The following DNAJC7 variants were observed in gnomAD, a reference collection of about 807,000 sequenced individuals.
DNAJC7 encodes the protein dnaJ homolog subfamily C member 7.
Under a neutral mutation model 67.4 loss-of-function variants are expected in DNAJC7, and 18 were observed. The ratio of observed to expected loss-of-function variants is 0.27; its 90% confidence interval spans 0.18 to 0.40. The LOEUF is 0.40. Among genes scored for constraint, DNAJC7 ranks in the 10% least tolerant of loss-of-function variants. The probability of loss-of-function intolerance (pLI) is 1.00; values close to 1 mark genes in which losing one functional copy is unlikely to be tolerated. For synonymous variants in DNAJC7, 220 were observed against 207.8 expected, an observed-to-expected ratio of 1.06 and a Z score of -0.50; for missense variants, 419 against 613.8, an observed-to-expected ratio of 0.68 and a Z score of 3.35.
intron 1 of DNAJC7, among the ~76,000 whole-genome samples, chr17:42,007,522 G>GA (rs1158947588): frequency 6.6e-6 from 1 of 151,942 alleles, no homozygotes; most frequent in African/African-American, 2.4e-5. Context: ...TCTTCTTTAA[G>GA]AAAAAAATTT....
intron 1 of DNAJC7, among the ~76,000 whole-genome samples, chr17:42,009,398 G>A (rs181535506): frequency 1.2e-4 from 19 of 152,304 alleles, no homozygotes; most frequent in Admixed American, 1.2e-3. Flanking sequence ...AGGCAGGGAC[G>A]GACACCAGCC....
intron 1 of DNAJC7, chr17:42,011,882 G>C (rs1487391014): frequency 6.6e-6 from 1 of 152,170 alleles, no homozygotes; most frequent in African/African-American, 2.4e-5. Context: ...TGCAGCAAAC[G>C]AACAGCAACT....
At chr17:42,013,907 GC>G (rs1294515949) in intron 1 of DNAJC7, 1 of 152,160 alleles carries the variant, frequency 6.6e-6, no homozygotes, top group Non-Finnish European at 1.5e-5. Flanking sequence ...TGATTCTCCT[GC>G]CTCAGCCTCC....
chr17:41,997,296 A>G, intron 2 of DNAJC7, 57 bp from the exon 3 acceptor site: 1 of 1,577,804 alleles, frequency 6.3e-7, no homozygotes, highest in Non-Finnish European at 8.6e-7. Flanking sequence ...CTGCTTTGAA[A>G]ACTTAGAGGG....
chr17:41,989,640 T>C, intron 6 of DNAJC7, 83 bp from the exon 7 acceptor site: 2 of 1,537,856 alleles, frequency 1.3e-6, no homozygotes, highest in East Asian at 4.5e-5. Context: ...GTTTTCCTCC[T>C]TGACCATGTG....
intron 2 of DNAJC7, among the ~76,000 whole-genome samples, chr17:41,998,935 T>A (rs1204934828): frequency 6.6e-6 from 1 of 151,950 alleles, no homozygotes; most frequent in Non-Finnish European, 1.5e-5. Flanking sequence ...CCTGTAATTC[T>A]AGCACTTTGG....
At position 41,987,868 on chromosome 17, in the gene DNAJC7, C is replaced by T. The variant is rs1399493739; in HGVS notation, c.961G>A (p.Val321Met). The T allele has an allele frequency of 1.2e-6, 2 of 1,612,124 alleles. No homozygotes were observed. Among genetic ancestry groups the T allele is most frequent in the East Asian group, 4.5e-5 (2 of 44,880 alleles). The stretch of plus-strand genomic sequence containing the variant: ...TTTATGTAAGTGTCATCAAGCTTCA[C>T]TGCATTTGTGCAGTCTTCTATTGCA... ...DDAIEDCTNA[V>M]KLDDTYIKAY... Residue 321 changes from valine (V) to methionine (M), a missense_variant, in exon 9 of 14, where the codon GTG (valine) becomes ATG (methionine). Physicochemically the swap from Val to Met is conservative, Grantham distance 21. Transcript: ENST00000457167.
intron 5 of DNAJC7, among the ~76,000 whole-genome samples, chr17:41,993,947 G>A (rs1272394019): frequency 3.3e-5 from 5 of 151,922 alleles, no homozygotes; most frequent in African/African-American, 1.2e-4. Context: ...GGAGGCTGAG[G>A]CAGGACAATT....
At chr17:41,992,656 A>G (rs1484212360) in intron 5 of DNAJC7, 2 of 152,202 alleles carry the variant, frequency 1.3e-5, no homozygotes, top group African/African-American at 4.8e-5. Flanking sequence ...GGTTCTGCTA[A>G]TCATGGGGAT....
intron 9 of DNAJC7, chr17:41,985,389 C>T (rs1483515036): frequency 6.6e-6 from 1 of 150,786 alleles, no homozygotes; most frequent in Non-Finnish European, 1.5e-5. Flanking sequence ...TACTGCACTC[C>T]AGCCTGGGTG....
intron 9 of DNAJC7, 71 bp downstream of exon 9, chr17:41,987,748 G>GTC: frequency 7.4e-7 from 1 of 1,349,258 alleles, no homozygotes; most frequent in South Asian, 1.3e-5. Context: ...GGTCTGCTTC[G>GTC]TCATCCACAA....
At chr17:41,993,991 C>T (rs549174173) in intron 5 of DNAJC7, among the ~76,000 whole-genome samples, 10 of 149,238 alleles carry the variant, frequency 6.7e-5, no homozygotes, top group Non-Finnish European at 1.0e-4. Flanking sequence ...TGCAGTGAGC[C>T]GAGATCACGC....
chr17:42,002,457 A>G (rs1555649601), intron 1 of DNAJC7, among the ~76,000 whole-genome samples: 2 of 152,142 alleles, frequency 1.3e-5, no homozygotes, highest in East Asian at 3.8e-4. Context: ...CACTACCCCT[A>G]TGGAGGTCGG....
chr17:42,012,943 T>G (rs2052158806), intron 1 of DNAJC7: 1 of 152,118 alleles, frequency 6.6e-6, no homozygotes, highest in Non-Finnish European at 1.5e-5. Context: ...CCTACAGGTA[T>G]GCACCATCAC....
At chr17:42,000,444 G>A (rs781805910) in intron 2 of DNAJC7, 38 bp downstream of exon 2, 2 of 1,501,340 alleles carry the variant, frequency 1.3e-6, no homozygotes, top group South Asian at 1.2e-5. Flanking sequence ...TATTTGGCAA[G>A]TAAATGTTTT....
intron 2 of DNAJC7, among the ~76,000 whole-genome samples, chr17:41,998,297 G>A (rs1430528985): frequency 6.6e-6 from 1 of 152,008 alleles, no homozygotes; most frequent in Non-Finnish European, 1.5e-5. Flanking sequence ...ATGGCAAAAC[G>A]CTGTCTCTGC....
chr17:42,007,170 C>T (rs1227108821), intron 1 of DNAJC7, among the ~76,000 whole-genome samples: 2 of 152,036 alleles, frequency 1.3e-5, no homozygotes, highest in Non-Finnish European at 2.9e-5. Context: ...ATACTTTATA[C>T]TGCCAATGAG....
intron 12 of DNAJC7, among the ~76,000 whole-genome samples, chr17:41,979,395 G>C (rs894257892): frequency 6.6e-6 from 1 of 151,888 alleles, no homozygotes; most frequent in African/African-American, 2.4e-5. Flanking sequence ...TGGAAGGCCA[G>C]GCACAGTGGC....
rs1489038100 is a variant in DNAJC7 at position 42,000,528 on chromosome 17, G to A, written c.120C>T (p.Ala40=). 3 of 1,611,530 alleles carry A rather than the reference G, an allele frequency of 1.9e-6. No individual in the cohort carries two copies. In the African/African-American group the frequency reaches 4.0e-5, roughly 22 times the overall value. The change falls in exon 2 of 14, where the codon GCC becomes GCT. Residue 40 remains alanine (A), a synonymous_variant. Coordinates refer to ENST00000457167, the MANE Select transcript of DNAJC7 (RefSeq NM_003315.4). ...TATAAGCTTCATTGTAATCTTTCTT[G>A]GCATAGTATGCATTTCCTTGTTCCT... ...TFKEQGNAYY[A]KKDYNEAYNY... is the part of the protein sequence containing the mutation.
Sources: gnomAD v4.1 joint callset for allele counts (sites outside exome capture counted in the v4.1 genomes callset) on GRCh38, gnomAD v4.1.1 for gene constraint, MANE v1.5 for transcripts, NCBI Gene and HGNC (gene_info 2026-07-23, HGNC 2026-07-21) for gene names.